AUTS2: variants seen among roughly 807,000 people sequenced by gnomAD.
AUTS2 encodes the protein autism susceptibility gene 2 protein.
Under a neutral mutation model 112.4 loss-of-function variants are expected in AUTS2, and 17 were observed. The observed-to-expected ratio is 0.15, with a 90% CI of 0.10 to 0.23. The LOEUF (loss-of-function observed/expected upper bound fraction) is 0.23. Ranked by LOEUF, AUTS2 falls within the 10% of genes least tolerant of loss-of-function variation. The probability of loss-of-function intolerance (pLI) is 1.00; values close to 1 mark genes in which losing one functional copy is unlikely to be tolerated. For missense variants in AUTS2, 1,510 were observed against 1,701.6 expected, an observed-to-expected ratio of 0.89 and a Z score of 1.98; for synonymous variants, 751 against 702.7, an observed-to-expected ratio of 1.07 and a Z score of -1.09.
chr7:70,409,388 G>T (rs984830456), intron 4 of AUTS2, among the ~76,000 whole-genome samples: 1 of 152,134 alleles, frequency 6.6e-6, no homozygotes, highest in Admixed American at 6.5e-5. Context: ...CATAGCAAAT[G>T]TGTGGACATA....
At chr7:70,601,210 A>T (rs1446725731) in intron 5 of AUTS2, among the ~76,000 whole-genome samples, 2 of 152,218 alleles carry the variant, frequency 1.3e-5, no homozygotes, top group Non-Finnish European at 2.9e-5. Context: ...TATTATAGCC[A>T]TTCTAGTGAA....
At chr7:70,639,432 A>G (rs1037979310) in intron 5 of AUTS2, among the ~76,000 whole-genome samples, 4 of 151,618 alleles carry the variant, frequency 2.6e-5, no homozygotes, top group African/African-American at 7.3e-5. Flanking sequence ...CCTGGGCAAC[A>G]TAGGAACACC....
intron 2 of AUTS2, among the ~76,000 whole-genome samples, chr7:70,009,956 T>A (rs1799722358): frequency 6.6e-6 from 1 of 152,194 alleles, no homozygotes; most frequent in Non-Finnish European, 1.5e-5. Context: ...CAGGTGCCTG[T>A]CCAGAGTGAC....
chr7:70,739,003 CTTTTTTTTTTTTTTT>C (rs57525224), intron 6 of AUTS2, among the ~76,000 whole-genome samples: 32 of 57,296 alleles, frequency 5.6e-4, no homozygotes, highest in Non-Finnish European at 9.5e-4. Context: ...GTTTTGAGGC[CTTTTTTTTTTTTTTT>C]TTTTTTTTTT....
At chr7:70,609,873 A>G (rs758916541) in intron 5 of AUTS2, among the ~76,000 whole-genome samples, 4 of 152,196 alleles carry the variant, frequency 2.6e-5, no homozygotes, top group Non-Finnish European at 5.9e-5. Context: ...ATATGAGAGT[A>G]CAGGTATCTC....
intron 15 of AUTS2, chr7:70,782,288 A>G (rs1791141357): frequency 6.5e-6 from 1 of 152,712 alleles, no homozygotes; most frequent in Admixed American, 6.5e-5. Flanking sequence ...TTTCTCTGCT[A>G]CAAAACGTAA....
At chr7:70,617,666 G>GAA (rs71531712) in intron 5 of AUTS2, among the ~76,000 whole-genome samples, 76,128 of 148,380 alleles carry the variant, frequency 0.51, 20,232 homozygotes, top group African/African-American at 0.63. Context: ...CTGTCTCAGA[G>GAA]AAAAAAAAAA....
chr7:70,376,411 C>T (rs1183391942), intron 4 of AUTS2, among the ~76,000 whole-genome samples: 1 of 151,894 alleles, frequency 6.6e-6, no homozygotes, highest in Non-Finnish European at 1.5e-5. Flanking sequence ...AATGCAAAAA[C>T]TCATTTTAAT....
chr7:70,594,364 A>G (rs576583120), intron 5 of AUTS2, among the ~76,000 whole-genome samples: 1 of 152,310 alleles, frequency 6.6e-6, no homozygotes, highest in East Asian at 1.9e-4. Context: ...TTTCTGATAC[A>G]GTGGCTCAGG....
intron 5 of AUTS2, among the ~76,000 whole-genome samples, chr7:70,462,815 G>T (rs1174168916): frequency 6.6e-6 from 1 of 152,152 alleles, no homozygotes; most frequent in Non-Finnish European, 1.5e-5. Flanking sequence ...AAATTAGCCA[G>T]GTGTGGTGGC....
chr7:70,766,258 C>T lies in AUTS2; in HGVS notation c.1613C>T (p.Thr538Met), dbSNP rs1384139715. Residue 538 changes from threonine (T) to methionine (M), a missense_variant, in exon 9 of 19, where the codon ACG becomes ATG. Thr to Met is a moderately conservative substitution (Grantham distance 81, BLOSUM62 -1). Around this residue, in one of 3 missense-constraint regions of AUTS2, gnomAD observed 187 missense variants for 309.7 expected, o/e 0.60. Transcript: ENST00000342771. The surrounding 1 kb of genome is among the most constrained non-coding windows in gnomAD (Gnocchi z 4.8). ...QHQHQHTHQHTHQHTFTPFPH... is the reference protein window; with the variant it reads ...QHQHQHTHQHMHQHTFTPFPH... ...CAGCACCAGCACACCCACCAGCACA[C>T]GCACCAGCACACCTTCACGCCGTTC... The T allele has an allele frequency of 3.1e-6, 5 of 1,613,938 alleles. No homozygotes were observed. The highest frequency in any genetic ancestry group is 1.7e-5 in the Admixed American group (1 of 59,988).
At chr7:69,964,442 A>G (rs1797554534) in intron 2 of AUTS2, among the ~76,000 whole-genome samples, 1 of 152,222 alleles carries the variant, frequency 6.6e-6, no homozygotes, top group Admixed American at 6.5e-5. Flanking sequence ...ATTAAAAAGC[A>G]TTACTAAATT....
chr7:70,270,089 G>T (rs1283515101), intron 4 of AUTS2, among the ~76,000 whole-genome samples: 1 of 152,134 alleles, frequency 6.6e-6, no homozygotes. Context: ...AAAGAGCCAT[G>T]AAATATATTA....
chr7:70,450,369 G>A (rs1299719345), intron 5 of AUTS2, among the ~76,000 whole-genome samples: 1 of 152,224 alleles, frequency 6.6e-6, no homozygotes, highest in African/African-American at 2.4e-5. Context: ...AAGGGAGGAA[G>A]CAATTGAGTT....
chr7:69,628,839 A>G lies in AUTS2; in HGVS notation c.309+28877A>G, dbSNP rs1794086947. Among the ~76,000 whole-genome samples, 3 of 152,142 alleles carry G rather than the reference A, an allele frequency of 2.0e-5. No homozygotes were observed. The South Asian group carries it at 6.2e-4, about 31-fold the overall frequency. ...CAATTCAACATGAGATTTGGGAGGG[A>G]TACAGACCCAAACTATATCTTATTA... On this transcript the variant is annotated intron_variant, in intron 1 of 18. Transcript: ENST00000342771.
chr7:70,143,161 G>T (rs1806950184), intron 4 of AUTS2, among the ~76,000 whole-genome samples: 1 of 152,136 alleles, frequency 6.6e-6, no homozygotes. Context: ...CACAACTGGG[G>T]CTTGTTAAAG....
chr7:69,823,763 C>T (rs1473223061), intron 1 of AUTS2, among the ~76,000 whole-genome samples: 3 of 151,420 alleles, frequency 2.0e-5, no homozygotes, highest in African/African-American at 7.3e-5. Context: ...ATCATGATTG[C>T]TAGGTGGAAA....
chr7:70,366,978 T>A (rs1792600619), intron 4 of AUTS2, among the ~76,000 whole-genome samples: 1 of 152,126 alleles, frequency 6.6e-6, no homozygotes, highest in East Asian at 1.9e-4. Flanking sequence ...AAGATAAAGG[T>A]TAGGATTAGA....
chr7:70,723,249 G>GT lies in AUTS2; in HGVS notation c.742+24632dup, dbSNP rs149215693. Among the ~76,000 whole-genome samples, 1,066 of 152,106 alleles carry GT rather than the reference G, an allele frequency of 7.0e-3. 16 individuals are homozygous for GT. Among genetic ancestry groups the GT allele is most frequent in the African/African-American group, 0.022 (932 of 41,566 alleles). On this transcript the variant is annotated intron_variant, in intron 6 of 18. Coordinates refer to ENST00000342771, the MANE Select transcript of AUTS2 (RefSeq NM_015570.4). ...CGCTGAAAATAACTTTTTCGGTTTT[G>GT]TTTGTTTGTTTGTTTTCCTCTATAC...
Sources: allele counts gnomAD v4.1 joint callset (sites outside exome capture counted in the v4.1 genomes callset), GRCh38; gene constraint gnomAD v4.1.1; regional missense constraint gnomAD v4.1.1; non-coding constraint Gnocchi (gnomAD v3.1); transcripts MANE v1.5; gene names NCBI Gene and HGNC (gene_info 2026-07-23, HGNC 2026-07-21).